Variants in PDE4B observed in about 807,000 individuals in gnomAD.
PDE4B encodes phosphodiesterase 4B.
A neutral mutation model predicts 82.2 loss-of-function variants in PDE4B; 20 were observed. That is an observed-to-expected ratio of 0.24 (90% CI 0.17 to 0.35). The LOEUF (loss-of-function observed/expected upper bound fraction) is 0.35. Ranked by LOEUF, PDE4B falls within the 10% of genes least tolerant of loss-of-function variation. The pLI, the probability that PDE4B is intolerant of heterozygous loss-of-function variation, is 1.00. For missense variants in PDE4B, 655 were observed against 907.2 expected (o/e 0.72, Z 3.57); for synonymous variants, 320 against 318.9 (o/e 1.00, Z -0.04).
At chr1:65,816,190 A>AGTATGTGT (rs1553186974) in intron 1 of PDE4B, among the ~76,000 whole-genome samples, 222 of 132,884 alleles carry the variant, frequency 1.7e-3, no homozygotes, top group African/African-American at 5.9e-3. Flanking sequence ...TTATTAATGC[A>AGTATGTGT]GTGTGTGTGT....
At chr1:66,327,161 C>A (rs1436206671) in intron 7 of PDE4B, among the ~76,000 whole-genome samples, 1 of 152,190 alleles carries the variant, frequency 6.6e-6, no homozygotes, top group Non-Finnish European at 1.5e-5. Flanking sequence ...CTCTTCCCAA[C>A]AGGACTCTGC....
intron 3 of PDE4B, among the ~76,000 whole-genome samples, chr1:66,184,760 G>A (rs1557616407): frequency 1.3e-5 from 2 of 151,424 alleles, no homozygotes; most frequent in Non-Finnish European, 2.9e-5. Flanking sequence ...TGTTTTTACT[G>A]TATTGTTATT....
At chr1:66,035,723 C>T (rs567690346) in intron 3 of PDE4B, among the ~76,000 whole-genome samples, 2 of 152,176 alleles carry the variant, frequency 1.3e-5, no homozygotes, top group African/African-American at 4.8e-5. Flanking sequence ...TATGTATATA[C>T]ACACTTTAAA....
chr1:66,107,410 A>G (rs535625319), intron 3 of PDE4B, among the ~76,000 whole-genome samples: 3 of 151,968 alleles, frequency 2.0e-5, no homozygotes, highest in Non-Finnish European at 4.4e-5. Context: ...ATTTTCCTGT[A>G]TTTATTAAAA....
intron 3 of PDE4B, among the ~76,000 whole-genome samples, chr1:66,096,285 T>C (rs1645112385): frequency 6.6e-6 from 1 of 151,626 alleles, no homozygotes; most frequent in African/African-American, 2.4e-5. Flanking sequence ...TTTCTGTTCC[T>C]GGGTTTTTTC....
intron 3 of PDE4B, among the ~76,000 whole-genome samples, chr1:66,010,103 C>T (rs975562172): frequency 6.6e-6 from 1 of 151,954 alleles, no homozygotes; most frequent in African/African-American, 2.4e-5. Context: ...GTAGTTAATA[C>T]ATATTTATTG....
chr1:65,887,247 T>TTTCTTTCTTTC (rs1297971405), intron 1 of PDE4B, among the ~76,000 whole-genome samples: 1 of 37,700 alleles, frequency 2.7e-5, no homozygotes, highest in Admixed American at 3.5e-4. Context: ...TCTTTCTTTC[T>TTTCTTTCTTTC]TTTCTTTCTT....
intron 3 of PDE4B, among the ~76,000 whole-genome samples, chr1:65,991,489 T>C (rs1233130418): frequency 2.0e-5 from 3 of 152,178 alleles, no homozygotes; most frequent in Non-Finnish European, 2.9e-5. Flanking sequence ...TCTGTCACTC[T>C]TGCTGATCTT....
chr1:66,018,789 C>CCT (rs1390210907), intron 3 of PDE4B, among the ~76,000 whole-genome samples: 2 of 152,080 alleles, frequency 1.3e-5, no homozygotes, highest in Non-Finnish European at 2.9e-5. Context: ...CAACCATTAT[C>CCT]CTCTATGTGC....
At chr1:66,185,587 G>A (rs1647173057) in intron 3 of PDE4B, among the ~76,000 whole-genome samples, 2 of 152,036 alleles carry the variant, frequency 1.3e-5, no homozygotes, top group African/African-American at 4.8e-5. Context: ...TTCTCTGATG[G>A]CCAGTGATGA....
chr1:65,851,415 A>G (rs80104193), intron 1 of PDE4B, among the ~76,000 whole-genome samples: 1,639 of 152,178 alleles, frequency 0.011, 39 homozygotes, highest in African/African-American at 0.037. Flanking sequence ...TTGACTCTAT[A>G]GATAAATTTA....
At chr1:66,056,532 CATCTATCT>C (rs5774791) in intron 3 of PDE4B, among the ~76,000 whole-genome samples, 76 of 130,804 alleles carry the variant, frequency 5.8e-4, no homozygotes, top group African/African-American at 1.9e-3. Context: ...ATCTATCTAT[CATCTATCT>C]ATCTATCTAT....
intron 3 of PDE4B, among the ~76,000 whole-genome samples, chr1:66,019,545 AG>A (rs1319479951): frequency 6.6e-6 from 1 of 151,918 alleles, no homozygotes; most frequent in East Asian, 1.9e-4. Flanking sequence ...TAGCAAAGAC[AG>A]GGTTTCACCA....
At chr1:66,087,452 C>T (rs1657063653) in intron 3 of PDE4B, among the ~76,000 whole-genome samples, 1 of 152,090 alleles carries the variant, frequency 6.6e-6, no homozygotes, top group South Asian at 2.1e-4. Flanking sequence ...ATTGCCTGTT[C>T]ACTCTGATGG....
chr1:65,932,367 A>G (rs895032308), intron 3 of PDE4B, among the ~76,000 whole-genome samples: 3 of 152,234 alleles, frequency 2.0e-5, no homozygotes, highest in African/African-American at 7.2e-5. Context: ...TTCTATTGGA[A>G]CACTGATTGT....
chr1:65,867,043 G>A (rs1646519780), intron 1 of PDE4B, among the ~76,000 whole-genome samples: 1 of 152,058 alleles, frequency 6.6e-6, no homozygotes, highest in Non-Finnish European at 1.5e-5. Context: ...AAAATAATAT[G>A]GTGCCTTGAA....
intron 3 of PDE4B, among the ~76,000 whole-genome samples, chr1:65,952,769 C>A (rs1315795959): frequency 1.3e-5 from 2 of 152,156 alleles, no homozygotes; most frequent in South Asian, 4.2e-4. Context: ...TTCACTCAAC[C>A]ACGTTGATAG....
At chr1:65,895,786 A>C (rs1467738538) in intron 1 of PDE4B, among the ~76,000 whole-genome samples, 1 of 151,354 alleles carries the variant, frequency 6.6e-6, no homozygotes, top group Non-Finnish European at 1.5e-5. Flanking sequence ...ATAATGAAAC[A>C]GGAGAAGTTA....
At chr1:66,108,751 A>G (rs1392843880) in intron 3 of PDE4B, among the ~76,000 whole-genome samples, 4 of 151,922 alleles carry the variant, frequency 2.6e-5, no homozygotes, top group African/African-American at 7.2e-5. Context: ...TATGGTATCT[A>G]TATATATCTG....
Sources: allele counts gnomAD v4.1 joint callset (sites outside exome capture counted in the v4.1 genomes callset), GRCh38; gene constraint gnomAD v4.1.1; transcripts MANE v1.5; gene names NCBI Gene and HGNC (gene_info 2026-07-23, HGNC 2026-07-21).